The following GANC variants were observed in gnomAD, a reference collection of about 807,000 sequenced individuals.
GANC encodes glucosidase alpha, neutral C.
In GANC, 117 loss-of-function variants were observed where a neutral mutation model predicts 124.2. The observed-to-expected ratio is 0.94, with a 90% CI of 0.81 to 1.10. The LOEUF (loss-of-function observed/expected upper bound fraction) is 1.10. Ranked by LOEUF, GANC falls within the 50% of genes least tolerant of loss-of-function variation. GANC has a pLI of 0.00. For missense variants in GANC, 1,140 were observed against 1,095.0 expected, an observed-to-expected ratio of 1.04 and a Z score of -0.58; for synonymous variants, 377 against 376.8, an observed-to-expected ratio of 1.00 and a Z score of -0.01.
intron 15 of GANC, among the ~76,000 whole-genome samples, chr15:42,336,746 C>T (rs2052286308): frequency 1.3e-5 from 2 of 152,122 alleles, no homozygotes; most frequent in East Asian, 1.9e-4. Flanking sequence ...TGACAAAGGT[C>T]TAATATCCAG....
intron 10 of GANC, among the ~76,000 whole-genome samples, chr15:42,316,586 T>C (rs2052105503): frequency 6.6e-6 from 1 of 152,226 alleles, no homozygotes; most frequent in African/African-American, 2.4e-5. Context: ...CGCTATCTAC[T>C]ATGAACTTAA....
chr15:42,293,028 G>C (rs2051856872), intron 5 of GANC, 111 bp downstream of exon 5: 1 of 1,005,208 alleles, frequency 9.9e-7, no homozygotes, highest in Non-Finnish European at 1.5e-6. Flanking sequence ...TGCCTTATTT[G>C]CTCTAGTATT....
chr15:42,351,959 G>A, intron 23 of GANC, 71 bp from the exon 24 acceptor site: 1 of 1,579,424 alleles, frequency 6.3e-7, no homozygotes, highest in Non-Finnish European at 8.6e-7. Flanking sequence ...AAACATTTCA[G>A]ATTTGGAGAA....
At position 42,276,467 on chromosome 15, in the gene GANC, T is replaced by C. The variant is rs2051672970; in HGVS notation, c.92+57T>C. ...AACATCTCTGACAGTATTTCAAAAT[T>C]GATGCTTATTAAATTTTTGGAACTG... On this transcript the variant is annotated intron_variant, in intron 2 of 23. Coordinates refer to ENST00000318010, the MANE Select transcript of GANC (RefSeq NM_198141.3). 11 of 816,166 alleles carry C rather than the reference T, an allele frequency of 1.3e-5. No individual in the cohort carries two copies. In the Admixed American group the frequency reaches 2.5e-4, roughly 19 times the overall value. 50.6% of individuals were successfully genotyped at this position (816,166 alleles called of 1,614,324 possible).
intron 3 of GANC, chr15:42,283,821 G>A (rs1387699875): frequency 2.8e-6 from 2 of 702,586 alleles, no homozygotes; most frequent in South Asian, 3.0e-5. Flanking sequence ...GCCAGGAACA[G>A]GCAGCTAATT....
chr15:42,276,489 A>G, intron 2 of GANC, 79 bp downstream of exon 2: 2 of 672,946 alleles, frequency 3.0e-6, no homozygotes, highest in Non-Finnish European at 5.3e-6. Flanking sequence ...AATTTTTGGA[A>G]CTGATAGACT....
intron 6 of GANC, among the ~76,000 whole-genome samples, chr15:42,299,686 C>G (rs980129864): frequency 7.9e-5 from 12 of 152,166 alleles, no homozygotes; most frequent in African/African-American, 2.9e-4. Context: ...GGAGGCATCA[C>G]ATTACCTGAC....
At chr15:42,309,835 A>G (rs899101859) in intron 8 of GANC, among the ~76,000 whole-genome samples, 10 of 151,910 alleles carry the variant, frequency 6.6e-5, no homozygotes, top group Non-Finnish European at 1.5e-4. Context: ...CCTGGCCAAC[A>G]TGGTGAAACC....
chr15:42,294,037 C>T (rs374315476), intron 5 of GANC, among the ~76,000 whole-genome samples: 3 of 151,506 alleles, frequency 2.0e-5, no homozygotes, highest in Non-Finnish European at 4.4e-5. Context: ...GGCAACAGAG[C>T]GAGATTCTGT....
Position 42,327,377 on chromosome 15 carries a change from C to G in GANC, c.1435C>G (p.Leu479Val), listed in dbSNP as rs755140587. 2 of 1,612,818 alleles carry G rather than the reference C, an allele frequency of 1.2e-6. No homozygotes were observed. The highest frequency in any genetic ancestry group is 1.7e-6 in the Non-Finnish European group (2 of 1,179,218). The change falls in exon 13 of 24, where the codon CTG becomes GTG. Residue 479 changes from leucine to valine, a missense_variant. Physicochemically the swap from Leu to Val is conservative, Grantham distance 32 (BLOSUM62 1). Transcript: ENST00000318010. ...TGCCTCCACAGGTCTCTCCTCTTACCTGGATTTCACCAATCCCAAGGTCAG... is the reference window on the plus strand; with the variant it reads ...TGCCTCCACAGGTCTCTCCTCTTACGTGGATTTCACCAATCCCAAGGTCAG... ...GVCWPGLSSY[L>V]DFTNPKVREW...
chr15:42,343,037 C>T (rs2052338477), intron 18 of GANC, 41 bp from the exon 19 acceptor site: 2 of 1,542,454 alleles, frequency 1.3e-6, no homozygotes, highest in South Asian at 1.1e-5. Context: ...TTTTAGACCT[C>T]TTATAATGAT....
At chr15:42,284,034 G>A in intron 3 of GANC, 1 of 701,472 alleles carries the variant, frequency 1.4e-6, no homozygotes, top group Non-Finnish European at 2.6e-6. Context: ...GATCCCGGGA[G>A]GTCTTGATCA....
intron 5 of GANC, 104 bp from the exon 6 acceptor site, chr15:42,297,507 A>T (rs2051902626): frequency 1.4e-6 from 1 of 737,944 alleles, no homozygotes; most frequent in South Asian, 1.7e-5. Flanking sequence ...ACATTAAAGG[A>T]TATAACTGAG....
chr15:42,313,060 A>C (rs1295374098), intron 10 of GANC, among the ~76,000 whole-genome samples: 1 of 152,234 alleles, frequency 6.6e-6, no homozygotes, highest in Non-Finnish European at 1.5e-5. Flanking sequence ...CACTGGGATT[A>C]CAGGCACAAG....
At chr15:42,338,581 T>C in intron 16 of GANC, 91 bp downstream of exon 16, 1 of 889,296 alleles carries the variant, frequency 1.1e-6, no homozygotes. Flanking sequence ...TCTCATTAGC[T>C]GTTGTGGGCA....
intron 8 of GANC, among the ~76,000 whole-genome samples, chr15:42,309,618 C>G (rs916176673): frequency 6.6e-6 from 1 of 151,994 alleles, no homozygotes; most frequent in Non-Finnish European, 1.5e-5. Flanking sequence ...GGCACCCAGC[C>G]TGGACACAAT....
At chr15:42,283,427 T>A (rs2051753642) in intron 3 of GANC, among the ~76,000 whole-genome samples, 1 of 152,200 alleles carries the variant, frequency 6.6e-6, no homozygotes, top group South Asian at 2.1e-4. Flanking sequence ...AAATTTGGTC[T>A]GGATTGAGAA....
At chr15:42,331,196 A>T (rs906040121) in intron 15 of GANC, among the ~76,000 whole-genome samples, 6 of 152,194 alleles carry the variant, frequency 3.9e-5, no homozygotes, top group African/African-American at 1.2e-4. Context: ...GAATAAACAA[A>T]TTTTAGTCAT....
rs745573426 is a variant in GANC, at chr15:42,349,400, G to A, written c.2436G>A (p.Glu812=). The change falls in exon 22 of 24, where the codon GAG becomes GAA. Residue 812 remains glutamate (E), a synonymous_variant. Coordinates refer to ENST00000318010, the MANE Select transcript of GANC (RefSeq NM_198141.3). ...TTCTCCAGGGTTCTTCAGTGGGTGA[G>A]TTATATCTTGATGATGGCCATTCAT... ...ALSTKGSSVG[E]LYLDDGHSFQ... 6 of 1,611,090 alleles carry A rather than the reference G, an allele frequency of 3.7e-6. No individual in the cohort carries two copies. The Admixed American group carries it at 8.3e-5, about 22-fold the overall frequency.
Sources: allele counts gnomAD v4.1 joint callset (sites outside exome capture counted in the v4.1 genomes callset), GRCh38; gene constraint gnomAD v4.1.1; transcripts MANE v1.5; gene names NCBI Gene and HGNC (gene_info 2026-07-23, HGNC 2026-07-21).